The following NRXN1 variants were observed in gnomAD, a reference collection of about 807,000 sequenced individuals.
NRXN1 encodes neurexin-1.
Under a neutral mutation model 150.9 loss-of-function variants are expected in NRXN1, and 39 were observed. The ratio of observed to expected loss-of-function variants is 0.26; its 90% CI spans 0.20 to 0.34. The LOEUF is 0.34. Ranked by LOEUF, NRXN1 falls within the 10% of genes least tolerant of loss-of-function variation. The pLI is 1.00. For missense variants in NRXN1, 1,815 were observed against 1,949.9 expected, an observed-to-expected ratio of 0.93 and a Z score of 1.30; for synonymous variants, 924 against 757.0, an observed-to-expected ratio of 1.22 and a Z score of -3.62.
chr2:50,223,563 T>C (rs2064087213), intron 18 of NRXN1, among the ~76,000 whole-genome samples: 1 of 151,962 alleles, frequency 6.6e-6, no homozygotes, highest in Admixed American at 6.6e-5. Flanking sequence ...GTAATAGGGC[T>C]AAAATTTCAA....
chr2:50,575,822 G>C (rs1463622502), intron 8 of NRXN1, among the ~76,000 whole-genome samples: 1 of 152,042 alleles, frequency 6.6e-6, no homozygotes, highest in South Asian at 2.1e-4. Flanking sequence ...TTTTACAGTA[G>C]AGCTATTTCA....
chr2:50,184,614 T>C (rs2152815136), intron 18 of NRXN1, among the ~76,000 whole-genome samples: 1 of 152,136 alleles, frequency 6.6e-6, no homozygotes, highest in Middle Eastern at 3.4e-3. Flanking sequence ...ATAATGGTGA[T>C]TTTCATTTAA....
chr2:50,490,465 T>C (rs1000749297), intron 15 of NRXN1, among the ~76,000 whole-genome samples: 1 of 152,100 alleles, frequency 6.6e-6, no homozygotes, highest in Non-Finnish European at 1.5e-5. Context: ...GCCTAGCCAG[T>C]AGCAGCAGGG....
At chr2:50,265,496 C>T (rs999703663) in intron 17 of NRXN1, among the ~76,000 whole-genome samples, 3 of 152,168 alleles carry the variant, frequency 2.0e-5, no homozygotes, top group African/African-American at 4.8e-5. Flanking sequence ...TACATCATGA[C>T]ACTATAAAGA....
intron 5 of NRXN1, among the ~76,000 whole-genome samples, chr2:50,728,379 G>A (rs892047003): frequency 2.0e-5 from 3 of 152,014 alleles, no homozygotes; most frequent in Non-Finnish European, 4.4e-5. Flanking sequence ...AAAATTTAAG[G>A]ACTGGCTTTC....
At chr2:50,883,465 C>G (rs1005835605) in intron 5 of NRXN1, among the ~76,000 whole-genome samples, 1 of 150,860 alleles carries the variant, frequency 6.6e-6, no homozygotes, top group Non-Finnish European at 1.5e-5. Flanking sequence ...CAACTGTACC[C>G]TACAGCAAAT....
chr2:50,778,434 TCAAGGAACA>T (rs1358052108), intron 5 of NRXN1, among the ~76,000 whole-genome samples: 1 of 152,170 alleles, frequency 6.6e-6, no homozygotes, highest in African/African-American at 2.4e-5. Flanking sequence ...CTATCTAACT[TCAAGGAACA>T]CACTGTTCGA....
At chr2:50,235,229 C>G (rs973032561) in intron 18 of NRXN1, among the ~76,000 whole-genome samples, 2 of 152,026 alleles carry the variant, frequency 1.3e-5, no homozygotes, top group Non-Finnish European at 2.9e-5. Flanking sequence ...TGAGCTTACT[C>G]TAAACAGCAA....
intron 8 of NRXN1, among the ~76,000 whole-genome samples, chr2:50,618,731 C>G (rs2104217815): frequency 6.6e-6 from 1 of 150,424 alleles, no homozygotes; most frequent in South Asian, 2.1e-4. Flanking sequence ...CTTATAATAG[C>G]ACAAAATAAC....
chr2:49,985,811 T>A (rs547022041), intron 21 of NRXN1, among the ~76,000 whole-genome samples: 1 of 152,304 alleles, frequency 6.6e-6, no homozygotes, highest in African/African-American at 2.4e-5. Context: ...CTACATTGCT[T>A]GATATTTACA....
At chr2:50,279,413 GA>G (rs1009011067) in intron 17 of NRXN1, among the ~76,000 whole-genome samples, 14 of 152,086 alleles carry the variant, frequency 9.2e-5, no homozygotes, top group Non-Finnish European at 1.9e-4. Flanking sequence ...TTGACATGAG[GA>G]AAAAATGTTT....
intron 17 of NRXN1, among the ~76,000 whole-genome samples, chr2:50,352,781 TA>T (rs564615018): frequency 3.4e-4 from 49 of 144,436 alleles, no homozygotes; most frequent in Admixed American, 7.6e-4. Flanking sequence ...AATAATATTA[TA>T]ATAATAATAA....
Position 50,138,120 on chromosome 2 carries a change from T to C in NRXN1, c.3547-46626A>G, listed in dbSNP as rs115028414. ...AACGTATTCATCATTTTCCTGCAAA[T>C]TGAAGCTAATTACACTTAGAATTAC... On this transcript the variant is annotated intron_variant, in intron 18 of 22. Coordinates refer to ENST00000401669, the MANE Select transcript of NRXN1 (RefSeq NM_001330078.2). Among the ~76,000 whole-genome samples the C allele has an allele frequency of 6.4e-3, 971 of 152,316 alleles. 11 individuals carry two copies. The highest frequency in any genetic ancestry group is 0.022 in the African/African-American group (919 of 41,572).
chr2:50,241,858 A>G lies in NRXN1; in HGVS notation c.3365-4888T>C, dbSNP rs1026993742. On this transcript the variant is annotated intron_variant, in intron 17 of 22. Transcript: ENST00000401669. ...CCTCACGTCAATTCTGCAAAGGCTA[A>G]CATATTCCCTTACATAGATTGAAAC... is the stretch of plus-strand genomic sequence containing the variant. 3.3e-5 allele frequency among the ~76,000 whole-genome samples: 5 copies of G among 151,788 alleles called. No homozygotes were observed. In the Admixed American group the frequency reaches 3.3e-4, roughly 10 times the overall value.
chr2:50,360,384 T>C (rs998018619), intron 17 of NRXN1, among the ~76,000 whole-genome samples: 4 of 152,192 alleles, frequency 2.6e-5, no homozygotes, highest in Admixed American at 6.5e-5. Context: ...CACAGACACA[T>C]ATAGGCTCAA....
intron 2 of NRXN1, among the ~76,000 whole-genome samples, chr2:51,018,925 C>G (rs1047887520): frequency 6.6e-6 from 1 of 151,928 alleles, no homozygotes; most frequent in South Asian, 2.1e-4. Flanking sequence ...AGAAGGTTAA[C>G]AAAGGAAGCA....
intron 22 of NRXN1, among the ~76,000 whole-genome samples, chr2:49,937,229 G>T (rs1221702563): frequency 3.3e-5 from 5 of 152,142 alleles, no homozygotes; most frequent in Non-Finnish European, 5.9e-5. Context: ...TTTGGGTGAA[G>T]CCCATTTGCA....
At chr2:50,577,212 G>A (rs1057344575) in intron 8 of NRXN1, among the ~76,000 whole-genome samples, 2 of 152,012 alleles carry the variant, frequency 1.3e-5, no homozygotes, top group Admixed American at 6.6e-5. Context: ...TTATGGGGAC[G>A]TAAAAGATTA....
At chr2:50,201,821 G>C (rs143536310) in intron 18 of NRXN1, among the ~76,000 whole-genome samples, 2 of 152,310 alleles carry the variant, frequency 1.3e-5, no homozygotes, top group Admixed American at 1.3e-4. Context: ...GGCTTGAGTA[G>C]GGCTGGAACA....
Sources: allele counts gnomAD v4.1 joint callset (sites outside exome capture counted in the v4.1 genomes callset), GRCh38; gene constraint gnomAD v4.1.1; transcripts MANE v1.5; gene names NCBI Gene and HGNC (gene_info 2026-07-23, HGNC 2026-07-21).